Variants in UBE2J2 observed in about 807,000 individuals in gnomAD.
UBE2J2 encodes the protein ubiquitin-conjugating enzyme E2 J2.
Under a neutral mutation model 28.6 loss-of-function variants are expected in UBE2J2, and 5 were observed. That is an observed-to-expected ratio of 0.17 (90% confidence interval 0.09 to 0.37). The LOEUF (loss-of-function observed/expected upper bound fraction) is 0.37. UBE2J2 is among the 10% of genes least tolerant of loss of function. The probability of loss-of-function intolerance (pLI) is 1.00; values close to 1 mark genes in which losing one functional copy is unlikely to be tolerated. For synonymous variants in UBE2J2, 138 were observed against 139.7 expected, an observed-to-expected ratio of 0.99 and a Z score of 0.09; for missense variants, 226 against 338.9, an observed-to-expected ratio of 0.67 and a Z score of 2.62.
intron 3 of UBE2J2, among the ~76,000 whole-genome samples, chr1:1,257,626 G>T (rs549129586): frequency 6.6e-6 from 1 of 150,610 alleles, no homozygotes; most frequent in African/African-American, 2.5e-5. Context: ...CCTCTCCCTG[G>T]AGTGTCCACA....
At position 1,254,313 on chromosome 1, in the gene UBE2J2, A is replaced by AG. The variant is rs1355369171; in HGVS notation, c.*889dup. 1 of 152,252 alleles carries AG rather than the reference A, an allele frequency of 6.6e-6. No homozygotes were observed. Among genetic ancestry groups the AG allele is most frequent in the Non-Finnish European group, 1.5e-5 (1 of 68,040 alleles). 9.4% of individuals were successfully genotyped at this position (152,252 alleles called of 1,614,324 possible). A position where few individuals can be genotyped will look rare whatever the true frequency, so the allele number is the denominator to read the frequency against. On this transcript the variant is annotated 3_prime_UTR_variant, in exon 7 of 7. Transcript: ENST00000349431. The stretch of plus-strand genomic sequence containing the variant: ...CATTACCTACTGTGAAGGCCAGCGC[A>AG]GGGGGCACGGGATGTGAGGGAGGCC...
At chr1:1,272,861 C>T (rs564017921) in intron 1 of UBE2J2, 2 of 153,784 alleles carry the variant, frequency 1.3e-5, no homozygotes, top group Non-Finnish European at 2.9e-5. Flanking sequence ...ACGATCCTTT[C>T]TTCGGAAGCC....
At chr1:1,272,896 G>C (rs79400130) in intron 1 of UBE2J2, 2 of 153,190 alleles carry the variant, frequency 1.3e-5, no homozygotes, top group East Asian at 3.8e-4. Flanking sequence ...GGTTCCCCTG[G>C]AGCAGGGCGC....
intron 3 of UBE2J2, among the ~76,000 whole-genome samples, chr1:1,261,134 G>A (rs1639534623): frequency 6.6e-6 from 1 of 152,248 alleles, no homozygotes; most frequent in African/African-American, 2.4e-5. Flanking sequence ...CAGCCCCTCG[G>A]CAAGTGGCAA....
intron 3 of UBE2J2, among the ~76,000 whole-genome samples, chr1:1,260,440 T>C (rs58785846): frequency 0.092 from 14,036 of 152,050 alleles, 1,316 homozygotes; most frequent in African/African-American, 0.24. Flanking sequence ...CCTCACTGCG[T>C]GCGCACACCT....
In UBE2J2 at chr1:1,268,066, C is replaced by T; in HGVS notation, c.1-74G>A. On this transcript the variant is annotated intron_variant, in intron 1 of 6. Coordinates refer to ENST00000349431, the MANE Select transcript of UBE2J2 (RefSeq NM_058167.3). The surrounding 1 kb of genome is among the most constrained non-coding windows in gnomAD (Gnocchi z 4.7). The stretch of plus-strand genomic sequence containing the variant: ...AGCTCTCTCCCCTGGCGCAGCCCCA[C>T]TCCCGCCTCTGCAGCCCGCCATTCA... 3.2e-6 allele frequency: 5 copies of T among 1,566,378 alleles called. No homozygotes were observed. Among genetic ancestry groups the T allele is most frequent in the Non-Finnish European group, 4.3e-6 (5 of 1,149,632 alleles).
intron 2 of UBE2J2, among the ~76,000 whole-genome samples, chr1:1,264,462 T>C (rs775388689): frequency 4.6e-5 from 7 of 152,100 alleles, no homozygotes; most frequent in Admixed American, 1.3e-4. Flanking sequence ...CCCCAGGACA[T>C]GTGTGCCATC....
At chr1:1,256,888 GAA>G (rs57305655) in intron 5 of UBE2J2, 102 bp downstream of exon 5, 21,341 of 504,340 alleles carry the variant, frequency 0.042, 5 homozygotes, top group East Asian at 0.091. Flanking sequence ...TCCGTCTCAA[GAA>G]AAAAAAAAAA....
intron 1 of UBE2J2, among the ~76,000 whole-genome samples, chr1:1,272,406 A>G (rs1450887695): frequency 1.3e-5 from 2 of 152,196 alleles, no homozygotes; most frequent in African/African-American, 4.8e-5. Context: ...AGCGTCCCTC[A>G]CCCGTCCCTC....
chr1:1,260,521 C>T (rs1238935123), intron 3 of UBE2J2, among the ~76,000 whole-genome samples: 1 of 152,248 alleles, frequency 6.6e-6, no homozygotes, highest in Non-Finnish European at 1.5e-5. Flanking sequence ...AGACGGCTAT[C>T]CCACTGCTTG....
intron 1 of UBE2J2, among the ~76,000 whole-genome samples, chr1:1,271,055 C>T (rs1218145888): frequency 6.6e-6 from 1 of 152,268 alleles, no homozygotes; most frequent in Non-Finnish European, 1.5e-5. Context: ...GCCTCCCACT[C>T]TGTCACACAT....
At chr1:1,265,579 GTGTGTGTGTGTGTTTTCTCTCCAT>G (rs1639803374) in intron 2 of UBE2J2, among the ~76,000 whole-genome samples, 1 of 150,350 alleles carries the variant, frequency 6.7e-6, no homozygotes, top group Non-Finnish European at 1.5e-5. Context: ...GTGTGTGTGT[GTGTGTGTGTGTGTTTTCTCTCCAT>G]TGTGTGTGTG....
chr1:1,257,763 G>T (rs765771879), intron 3 of UBE2J2, among the ~76,000 whole-genome samples: 1 of 151,808 alleles, frequency 6.6e-6, no homozygotes, highest in Non-Finnish European at 1.5e-5. Flanking sequence ...CAGACCCAGC[G>T]ACTCTCCAGC....
chr1:1,256,892 A>G (rs1639214433), intron 5 of UBE2J2, 100 bp downstream of exon 5: 29 of 914,924 alleles, frequency 3.2e-5, no homozygotes, highest in Middle Eastern at 4.2e-4. Flanking sequence ...TCTCAAGAAA[A>G]AAAAAAAAAA....
chr1:1,255,353 C>T lies in UBE2J2; in HGVS notation c.630G>A (p.Pro210=), dbSNP rs1570530614. 4 of 1,613,802 alleles carry T rather than the reference C, an allele frequency of 2.5e-6. No individual in the cohort carries two copies. The highest frequency in any genetic ancestry group is 2.2e-5 in the East Asian group (1 of 44,884). The change falls in exon 7 of 7, where the codon CCG becomes CCA. Residue 210 remains proline (P), a synonymous_variant. Coordinates refer to ENST00000349431, the MANE Select transcript of UBE2J2 (RefSeq NM_058167.3). Reference sequence around the variant, plus strand: ...GCCCTGCGAGGTTTGGGACGGCCCCCGGCGCATGCCCGTTGAGCAGCTGAA... The same window carrying T: ...GCCCTGCGAGGTTTGGGACGGCCCCTGGCGCATGCCCGTTGAGCAGCTGAA... The part of the protein sequence containing the change: ...NGIQLLNGHA[P]GAVPNLAGLQ...
intron 2 of UBE2J2, among the ~76,000 whole-genome samples, chr1:1,267,034 G>A (rs1423581148): frequency 2.0e-5 from 3 of 151,812 alleles, no homozygotes; most frequent in African/African-American, 4.8e-5. Context: ...GACTACAGGT[G>A]TGCGCCATCA....
intron 6 of UBE2J2, 148 bp downstream of exon 6, chr1:1,255,897 G>T: frequency 1.5e-6 from 1 of 688,604 alleles, no homozygotes; most frequent in Non-Finnish European, 2.5e-6. Context: ...CAGGCTTTCT[G>T]CCTCCCCTGC....
intron 1 of UBE2J2, among the ~76,000 whole-genome samples, chr1:1,270,466 G>A (rs1029064928): frequency 7.9e-5 from 12 of 152,086 alleles, no homozygotes; most frequent in Middle Eastern, 3.2e-3. Context: ...GGCACCCAAC[G>A]CGTGCTCCCA....
chr1:1,272,692 T>G (rs1640217733), intron 1 of UBE2J2, among the ~76,000 whole-genome samples: 1 of 152,122 alleles, frequency 6.6e-6, no homozygotes, highest in African/African-American at 2.4e-5. Context: ...CTCACCTACC[T>G]GCCTGGCTCA....
Sources: gnomAD v4.1 joint callset for allele counts (sites outside exome capture counted in the v4.1 genomes callset) on GRCh38, gnomAD v4.1.1 for gene constraint, Gnocchi (gnomAD v3.1) non-coding constraint, MANE v1.5 for transcripts, NCBI Gene and HGNC (gene_info 2026-07-23, HGNC 2026-07-21) for gene names.